Variants in TOP1MT observed in about 807,000 individuals in gnomAD.
TOP1MT encodes the protein DNA topoisomerase I, mitochondrial.
TOP1MT carries 80 observed loss-of-function variants against 73.9 expected under a neutral mutation model. That is an observed-to-expected ratio of 1.08 (90% CI 0.90 to 1.30). The LOEUF (loss-of-function observed/expected upper bound fraction) is 1.30, where lower values mean the gene tolerates loss of function less well. TOP1MT is among the 50% of genes most tolerant of loss of function. The pLI, the probability that TOP1MT is intolerant of heterozygous loss-of-function variation, is 0.00. For synonymous variants in TOP1MT, 338 were observed against 326.4 expected (o/e 1.04, Z -0.38); for missense variants, 815 against 808.0 (o/e 1.01, Z -0.10).
chr8:143,337,949 G>T (rs779498085), upstream of TOP1MT, among the ~76,000 whole-genome samples: 4 of 152,082 alleles, frequency 2.6e-5, no homozygotes, highest in African/African-American at 9.7e-5. Flanking sequence ...CCCCAGTTAC[G>T]TAGCCCCCAC....
chr8:143,321,398 G>C lies in TOP1MT; in HGVS notation c.961-12C>G. On this transcript the variant is annotated splice_polypyrimidine_tract_variant and intron_variant, in intron 7 of 13. Coordinates refer to ENST00000329245, the MANE Select transcript of TOP1MT (RefSeq NM_052963.3). Reference sequence around the variant, plus strand: ...GCTCTCAGTGCCAGCTAGTTGGTGGGGAATGGTCAAAGTGGGTGGTGCGTG... The same window carrying C: ...GCTCTCAGTGCCAGCTAGTTGGTGGCGAATGGTCAAAGTGGGTGGTGCGTG... The C allele has an allele frequency of 6.4e-7, 1 of 1,569,050 alleles. No homozygotes were observed. Among genetic ancestry groups the C allele is most frequent in the East Asian group, 2.3e-5 (1 of 44,050 alleles).
In TOP1MT at chr8:143,331,598, C is replaced by G. The variant is rs562112595; in HGVS notation, c.123-259G>C. ...ACGGATCCCACCAAGCCCAGCTAAG[C>G]GGGAAAGGGCAAGCCCAGCTAAGTG... On this transcript the variant is annotated intron_variant, in intron 1 of 13. Coordinates refer to ENST00000329245, the MANE Select transcript of TOP1MT (RefSeq NM_052963.3). 114 of 371,022 alleles carry G rather than the reference C, an allele frequency of 3.1e-4. No individual in the cohort carries two copies. Among genetic ancestry groups the G allele is most frequent in the African/African-American group, 2.1e-3 (106 of 49,722 alleles). 23.0% of individuals were successfully genotyped at this position (371,022 alleles called of 1,614,324 possible).
At position 143,310,139 on chromosome 8, in the gene TOP1MT, C is replaced by T. The variant is rs1815968551; in HGVS notation, c.1632G>A (p.Lys544=). The T allele has an allele frequency of 1.9e-6, 3 of 1,613,290 alleles. No individual in the cohort carries two copies. Among genetic ancestry groups the T allele is most frequent in the Middle Eastern group, 1.6e-4 (1 of 6,072 alleles). The stretch of plus-strand genomic sequence containing the variant: ...CCAGGGCCACCTGCTTGTTCTCCTC[C>T]TTGTCCGTGGCCTGCACACTCAGCT... The part of the protein sequence containing the change: ...LAQLSVQATD[K]EENKQVALGT... Residue 544 remains lysine, a synonymous_variant, in exon 13 of 14, where the codon AAG becomes AAA. Coordinates refer to ENST00000329245, the MANE Select transcript of TOP1MT (RefSeq NM_052963.3).
chr8:143,332,540 G>A (rs995941812), intron 1 of TOP1MT: 17 of 1,289,298 alleles, frequency 1.3e-5, no homozygotes, highest in Non-Finnish European at 1.6e-5. Context: ...GCTGTTGGGG[G>A]CCTGGTGGGC....
intron 1 of TOP1MT, among the ~76,000 whole-genome samples, chr8:143,331,981 G>T (rs34012614): frequency 6.6e-6 from 1 of 151,914 alleles, no homozygotes; most frequent in East Asian, 1.9e-4. Context: ...CACTAACACA[G>T]TGAGGCTCCA....
intron 7 of TOP1MT, among the ~76,000 whole-genome samples, chr8:143,323,278 C>CAT (rs200364812): frequency 2.7e-4 from 30 of 109,462 alleles, no homozygotes; most frequent in African/African-American, 7.3e-4. Context: ...ACGCCACACA[C>CAT]GCACGCCACA....
Position 143,324,476 on chromosome 8 carries a change from T to C in TOP1MT, c.816+9A>G. On this transcript the variant is annotated intron_variant, in intron 6 of 13. Coordinates refer to ENST00000329245, the MANE Select transcript of TOP1MT (RefSeq NM_052963.3). ...GGGGAGGAAACACCCTGCCAAGCCC[T>C]GCGCTCACCTTCAGCTTCGAGCAAG... 2 of 1,613,860 alleles carry C rather than the reference T, an allele frequency of 1.2e-6. No individual in the cohort carries two copies.
At chr8:143,352,875 T>G (rs1441276366) in intron 1 of TOP1MT, among the ~76,000 whole-genome samples, 1 of 152,196 alleles carries the variant, frequency 6.6e-6, no homozygotes, top group African/African-American at 2.4e-5. Flanking sequence ...TCCTCCTGCC[T>G]CAGCCTCCCA....
At chr8:143,355,130 A>G (rs984063129) in intron 1 of TOP1MT, among the ~76,000 whole-genome samples, 20 of 152,222 alleles carry the variant, frequency 1.3e-4, no homozygotes, top group African/African-American at 4.6e-4. Context: ...GAAGCGGCAC[A>G]TGGCAGACAC....
At chr8:143,326,740 G>A (rs550529112) in intron 3 of TOP1MT, among the ~76,000 whole-genome samples, 30 of 152,226 alleles carry the variant, frequency 2.0e-4, no homozygotes, top group Non-Finnish European at 3.8e-4. Context: ...CGTCATGACC[G>A]GACAGAGCAG....
At chr8:143,329,221 G>A (rs954476067) in intron 3 of TOP1MT, 129 bp downstream of exon 3, 33 of 1,039,560 alleles carry the variant, frequency 3.2e-5, no homozygotes, top group Non-Finnish European at 3.8e-5. Context: ...GAGCCATGAC[G>A]GCACCTGTGA....
upstream of TOP1MT, among the ~76,000 whole-genome samples, chr8:143,357,303 T>C (rs936232099): frequency 6.6e-6 from 1 of 150,890 alleles, no homozygotes; most frequent in Non-Finnish European, 1.5e-5. Context: ...GTCCAGCTAC[T>C]CAGGAGGCTG....
In TOP1MT at chr8:143,321,066, C is replaced by T. The variant is rs970708363; in HGVS notation, c.1146+135G>A. The T allele has an allele frequency of 3.7e-5, 33 of 896,378 alleles. 1 individual carries two copies. Among genetic ancestry groups the T allele is most frequent in the Admixed American group, 5.2e-5 (2 of 38,398 alleles). 55.5% of individuals were successfully genotyped at this position (896,378 alleles called of 1,614,324 possible). ...CCTTCACCTTTACCCCGATCAGCCC[C>T]GGCACAGCAGGCCTCACCCAGCAGG... On this transcript the variant is annotated intron_variant, in intron 8 of 13. Coordinates refer to ENST00000329245, the MANE Select transcript of TOP1MT (RefSeq NM_052963.3).
intron 7 of TOP1MT, among the ~76,000 whole-genome samples, 181 bp from the exon 8 acceptor site, chr8:143,321,567 G>GC: frequency 2.3e-5 from 1 of 43,384 alleles, no homozygotes; most frequent in Non-Finnish European, 5.0e-5. Flanking sequence ...CCACACACAC[G>GC]CACGCCACAC....
chr8:143,329,614 G>T, intron 2 of TOP1MT, 143 bp from the exon 3 acceptor site: 1 of 954,678 alleles, frequency 1.0e-6, no homozygotes, highest in Non-Finnish European at 1.5e-6. Context: ...AAGTTCAGAA[G>T]CATGTTCTGC....
rs759802113 is a variant in TOP1MT, at chr8:143,334,843, G to C, written c.19C>G (p.Leu7Val). Residue 7 changes from leucine (L) to valine (V), a missense_variant, in exon 1 of 14, where the codon CTG becomes GTG. Coordinates refer to ENST00000329245, the MANE Select transcript of TOP1MT (RefSeq NM_052963.3). ...AGCGTCAGAGCCGCCCGGAGCCGCA[G>C]CAGCCGCACCACGCGCATCTGCCAG... is the stretch of plus-strand genomic sequence containing the variant. MRVVRLLRLRAALTLLG... is the reference protein window; with the variant it reads MRVVRLVRLRAALTLLG... The C allele has an allele frequency of 2.3e-5, 35 of 1,500,308 alleles. No homozygotes were observed. The South Asian group carries it at 4.1e-4, about 18-fold the overall frequency. The allele number at this position is 1,500,308 out of a possible 1,614,324, so 92.9% of individuals were successfully genotyped here.
Position 143,316,032 on chromosome 8 carries a change from C to A in TOP1MT, c.1425G>T (p.Thr475=), listed in dbSNP as rs201125639. 3.5e-4 allele frequency: 559 copies of A among 1,614,144 alleles called. 7 individuals are homozygous for A. The South Asian group carries it at 5.7e-3, about 16-fold the overall frequency. The change falls in exon 11 of 14, where the codon ACG becomes ACT. Residue 475 remains threonine (T), a synonymous_variant. Coordinates refer to ENST00000329245, the MANE Select transcript of TOP1MT (RefSeq NM_052963.3). ...GGAGATTCTGCATCGACTTCTCGAACGTACTGGGGGTTGCTCGCTGATGGT... is the reference window on the plus strand; with the variant it reads ...GGAGATTCTGCATCGACTTCTCGAAAGTACTGGGGGTTGCTCGCTGATGGT... The part of the protein sequence containing the change: ...LCNHQRATPS[T]FEKSMQNLQT...
rs1563758536 is a variant in TOP1MT at position 143,321,919 on chromosome 8, A to ACACGCATGC, written c.961-534_961-533insGCATGCGTG. 1.9e-3 allele frequency among the ~76,000 whole-genome samples: 139 copies of ACACGCATGC among 73,926 alleles called. 1 individual carries two copies. The highest frequency in any genetic ancestry group is 3.9e-3 in the East Asian group (5 of 1,298). The allele number at this position is 73,926 out of a possible 152,430, so 48.5% of individuals were successfully genotyped here. A position where few individuals can be genotyped will look rare whatever the true frequency, so the allele number is the denominator to read the frequency against. ...GGCACGCCACACACACAGGCACGCCACACACATGCACGCCACACACGCACG... is the reference window on the plus strand; with the variant it reads ...GGCACGCCACACACACAGGCACGCCACACGCATGCCACACATGCACGCCACACACGCACG... On this transcript the variant is annotated intron_variant, in intron 7 of 13. Transcript: ENST00000329245.
chr8:143,324,665 A>C, intron 5 of TOP1MT, 36 bp from the exon 6 acceptor site: 3 of 1,599,968 alleles, frequency 1.9e-6, no homozygotes, highest in Non-Finnish European at 2.6e-6. Context: ...TAACTTGGAG[A>C]CCTTATTCTC....
Sources: allele counts gnomAD v4.1 joint callset (sites outside exome capture counted in the v4.1 genomes callset), GRCh38; gene constraint gnomAD v4.1.1; transcripts MANE v1.5; gene names NCBI Gene and HGNC (gene_info 2026-07-23, HGNC 2026-07-21).